The following SH3RF3 variants were observed in gnomAD, a reference collection of about 807,000 sequenced individuals.
SH3RF3 encodes the protein E3 ubiquitin-protein ligase SH3RF3.
Under a neutral mutation model 66.3 loss-of-function variants are expected in SH3RF3, and 29 were observed. The ratio of observed to expected loss-of-function variants is 0.44; its 90% confidence interval spans 0.33 to 0.60. The LOEUF is 0.60. SH3RF3 is among the 20% of genes least tolerant of loss of function. The pLI, the probability that SH3RF3 is intolerant of heterozygous loss-of-function variation, is 0.04. For missense variants in SH3RF3, 1,194 were observed against 1,190.9 expected, an observed-to-expected ratio of 1.00 and a Z score of -0.04; for synonymous variants, 583 against 532.0, an observed-to-expected ratio of 1.10 and a Z score of -1.32.
chr2:109,223,571 G>C (rs1679305094), intron 1 of SH3RF3, among the ~76,000 whole-genome samples: 8 of 152,160 alleles, frequency 5.3e-5, no homozygotes, highest in Admixed American at 5.2e-4. Context: ...TCAGCTGCGG[G>C]CTCCATTCAA....
chr2:109,140,648 T>C (rs1676925776), intron 1 of SH3RF3, among the ~76,000 whole-genome samples: 2 of 152,220 alleles, frequency 1.3e-5, no homozygotes, highest in East Asian at 3.8e-4. Context: ...CCCAAAGTGC[T>C]GGGATTACAG....
chr2:109,288,264 C>T (rs1681084829), intron 1 of SH3RF3, among the ~76,000 whole-genome samples: 2 of 152,218 alleles, frequency 1.3e-5, no homozygotes, highest in Admixed American at 6.5e-5. Context: ...AGAAGACTGT[C>T]ATTAACTGTA....
At chr2:109,343,267 G>A (rs1682598268) in intron 1 of SH3RF3, among the ~76,000 whole-genome samples, 1 of 152,216 alleles carries the variant, frequency 6.6e-6, no homozygotes. Context: ...GACTCTGGAG[G>A]TGCCGGGTGT....
chr2:109,465,222 A>T (rs1260169988), intron 8 of SH3RF3, among the ~76,000 whole-genome samples: 1 of 152,192 alleles, frequency 6.6e-6, no homozygotes, highest in Non-Finnish European at 1.5e-5. Context: ...CCATTTACTT[A>T]CCAAAGGACA....
chr2:109,494,489 G>T (rs550160593), intron 9 of SH3RF3, among the ~76,000 whole-genome samples: 1 of 134,770 alleles, frequency 7.4e-6, no homozygotes, highest in African/African-American at 2.6e-5. Context: ...CTGACTCCTC[G>T]GGCTGGGACA....
At chr2:109,463,068 C>A (rs187064928) in intron 8 of SH3RF3, among the ~76,000 whole-genome samples, 1 of 152,298 alleles carries the variant, frequency 6.6e-6, no homozygotes, top group African/African-American at 2.4e-5. Context: ...GAAGACCTAA[C>A]CTGTAAATTC....
intron 1 of SH3RF3, among the ~76,000 whole-genome samples, chr2:109,271,515 C>T (rs1314768481): frequency 6.6e-6 from 1 of 152,210 alleles, no homozygotes; most frequent in East Asian, 1.9e-4. Flanking sequence ...GCCAACATGA[C>T]AGCAGTGAAC....
chr2:109,275,009 C>T (rs1680721040), intron 1 of SH3RF3, among the ~76,000 whole-genome samples: 1 of 152,118 alleles, frequency 6.6e-6, no homozygotes, highest in African/African-American at 2.4e-5. Context: ...GTTCTAAGCA[C>T]CATTTATACT....
At chr2:109,353,529 G>A (rs771321302) in intron 2 of SH3RF3, among the ~76,000 whole-genome samples, 4 of 152,198 alleles carry the variant, frequency 2.6e-5, no homozygotes, top group South Asian at 2.1e-4. Context: ...AGCAAGGGGC[G>A]CCTGGAGGGA....
chr2:109,437,379 C>T (rs1388942470), intron 7 of SH3RF3, among the ~76,000 whole-genome samples: 1 of 150,146 alleles, frequency 6.7e-6, no homozygotes, highest in African/African-American at 2.5e-5. Flanking sequence ...TCTTGTCATG[C>T]TCGTGAACGT....
At chr2:109,320,644 A>C (rs1479364635) in intron 1 of SH3RF3, among the ~76,000 whole-genome samples, 2 of 152,238 alleles carry the variant, frequency 1.3e-5, no homozygotes, top group Non-Finnish European at 2.9e-5. Context: ...CCAGCTCTAT[A>C]ACACCCAATA....
At chr2:109,500,682 C>T (rs1461935571) in intron 9 of SH3RF3, among the ~76,000 whole-genome samples, 1 of 152,172 alleles carries the variant, frequency 6.6e-6, no homozygotes, top group Non-Finnish European at 1.5e-5. Flanking sequence ...GGCACGGTGG[C>T]TCATGCTCGT....
intron 1 of SH3RF3, among the ~76,000 whole-genome samples, chr2:109,275,966 C>A (rs912019891): frequency 1.3e-5 from 2 of 152,174 alleles, no homozygotes; most frequent in African/African-American, 4.8e-5. Context: ...ACGTCATGTG[C>A]AGCTGGGTGA....
intron 1 of SH3RF3, among the ~76,000 whole-genome samples, chr2:109,264,669 C>T (rs1680446173): frequency 6.6e-6 from 1 of 152,182 alleles, no homozygotes; most frequent in South Asian, 2.1e-4. Flanking sequence ...GATAACAGCC[C>T]CTCCCACTGA....
intron 3 of SH3RF3, among the ~76,000 whole-genome samples, chr2:109,380,996 A>G (rs999647000): frequency 3.3e-5 from 5 of 152,226 alleles, no homozygotes; most frequent in African/African-American, 1.2e-4. Context: ...TTTGGTAACT[A>G]AAATGGACTA....
intron 1 of SH3RF3, among the ~76,000 whole-genome samples, chr2:109,290,642 C>T (rs968772988): frequency 2.0e-5 from 3 of 152,216 alleles, no homozygotes; most frequent in Admixed American, 1.3e-4. Flanking sequence ...AACTCAGACG[C>T]CCTCCCTCCC....
intron 1 of SH3RF3, among the ~76,000 whole-genome samples, chr2:109,305,865 C>T (rs900519444): frequency 2.6e-5 from 4 of 152,222 alleles, no homozygotes; most frequent in Non-Finnish European, 5.9e-5. Flanking sequence ...GAAAGCAATC[C>T]ACGCAGAGCC....
chr2:109,214,488 G>A (rs1038061632), intron 1 of SH3RF3, among the ~76,000 whole-genome samples: 24 of 151,436 alleles, frequency 1.6e-4, no homozygotes, highest in Non-Finnish European at 3.1e-4. Flanking sequence ...AAAAAAAAAG[G>A]AGTGGAGCCC....
intron 1 of SH3RF3, among the ~76,000 whole-genome samples, chr2:109,171,510 G>A (rs1230692207): frequency 6.6e-6 from 1 of 152,258 alleles, no homozygotes; most frequent in Non-Finnish European, 1.5e-5. Context: ...TGGGCTCGCG[G>A]GTATGGTCAG....
Sources: gnomAD v4.1 joint callset for allele counts (sites outside exome capture counted in the v4.1 genomes callset) on GRCh38, gnomAD v4.1.1 for gene constraint, MANE v1.5 for transcripts, NCBI Gene and HGNC (gene_info 2026-07-23, HGNC 2026-07-21) for gene names.